Variants in DACT1 observed in about 807,000 individuals in gnomAD.
The protein encoded by DACT1 is dishevelled binding antagonist of beta catenin 1.
In DACT1, 19 loss-of-function variants were observed where a neutral mutation model predicts 35.3. The observed-to-expected ratio is 0.54, with a 90% confidence interval of 0.38 to 0.79. The LOEUF (loss-of-function observed/expected upper bound fraction) is 0.79. Among genes scored for constraint, DACT1 ranks in the 30% least tolerant of loss-of-function variants. DACT1 has a pLI of 0.00. For missense variants in DACT1, 1,143 were observed against 1,057.5 expected (o/e 1.08, Z -1.12); for synonymous variants, 545 against 466.7 (o/e 1.17, Z -2.16).
At chr14:58,634,697 G>A (rs1340420747), upstream of DACT1, among the ~76,000 whole-genome samples, 4 of 152,178 alleles carry the variant, frequency 2.6e-5, no homozygotes, top group Non-Finnish European at 4.4e-5. Flanking sequence ...TCATTTTGTT[G>A]CTTTGCTTGA....
In DACT1 at chr14:58,645,656, C is replaced by G; in HGVS notation, c.922C>G (p.Leu308Val). The change falls in exon 4 of 4, where the codon CTG becomes GTG. Residue 308 changes from leucine to valine, a missense_variant. Leu to Val is a conservative substitution (Grantham distance 32). Coordinates refer to ENST00000395153, the MANE Select transcript of DACT1 (RefSeq NM_001079520.2). ...SKKMDGYILSLVQKKTHPVRT... is the reference protein window; with the variant it reads ...SKKMDGYILSVVQKKTHPVRT... ...GAAAATGGATGGCTACATTCTGAGC[C>G]TGGTCCAGAAAAAAACACACCCTGT... 4 of 1,614,188 alleles carry G rather than the reference C, an allele frequency of 2.5e-6. No homozygotes were observed. Among genetic ancestry groups the G allele is most frequent in the Non-Finnish European group, 3.4e-6 (4 of 1,180,036 alleles).
upstream of DACT1, among the ~76,000 whole-genome samples, chr14:58,636,917 G>C (rs1320824873): frequency 6.6e-6 from 1 of 152,020 alleles, no homozygotes; most frequent in African/African-American, 2.4e-5. Flanking sequence ...CAAGAGGGAA[G>C]ACTTATAAAT....
At position 58,645,939 on chromosome 14, in the gene DACT1, G is replaced by A; in HGVS notation, c.1205G>A (p.Cys402Tyr). 1 of 1,613,998 alleles carries A rather than the reference G, an allele frequency of 6.2e-7. No homozygotes were observed. ...AAGAGGGTGCCCCTGCCAGAGGGCT[G>A]CCCCTCAGGCGCTGCCTCCGACCTT... ...ESKRVPLPEG[C>Y]PSGAASDLQS... is the part of the protein sequence containing the mutation. Residue 402 changes from cysteine to tyrosine, a missense_variant, in exon 4 of 4, where the codon TGC (cysteine) becomes TAC (tyrosine). Around this residue, in one of 3 missense-constraint regions of DACT1, gnomAD observed 1,054 missense variants for 958.8 expected, o/e 1.10. Transcript: ENST00000395153.
upstream of DACT1, among the ~76,000 whole-genome samples, chr14:58,636,118 G>C (rs2047571139): frequency 6.6e-6 from 1 of 152,182 alleles, no homozygotes; most frequent in East Asian, 1.9e-4. Flanking sequence ...TCCATTTTTA[G>C]AGCTAATATA....
intron 3 of DACT1, among the ~76,000 whole-genome samples, chr14:58,643,594 A>G (rs2047647238): frequency 6.6e-6 from 1 of 152,234 alleles, no homozygotes; most frequent in Admixed American, 6.5e-5. Flanking sequence ...ATCTGGTTTC[A>G]GAGGGAAACT....
At position 58,646,288 on chromosome 14, in the gene DACT1, C is replaced by T. The variant is rs765807517; in HGVS notation, c.1554C>T (p.Val518=). Residue 518 remains valine, a synonymous_variant, in exon 4 of 4, where the codon GTC becomes GTT. Coordinates refer to ENST00000395153, the MANE Select transcript of DACT1 (RefSeq NM_001079520.2). ...AAAGCCTGGAGGAAGCGCACCTGGTCAAGGCCCAGTTTATCCCGGGGCAGC... is the reference window on the plus strand; with the variant it reads ...AAAGCCTGGAGGAAGCGCACCTGGTTAAGGCCCAGTTTATCCCGGGGCAGC... ...SSQSLEEAHL[V]KAQFIPGQQP... 4.3e-6 allele frequency: 7 copies of T among 1,612,390 alleles called. No homozygotes were observed. In the Admixed American group the frequency reaches 8.4e-5, roughly 19 times the overall value.
upstream of DACT1, among the ~76,000 whole-genome samples, chr14:58,635,258 G>C (rs1302009093): frequency 2.0e-5 from 3 of 152,136 alleles, no homozygotes; most frequent in Non-Finnish European, 4.4e-5. Context: ...CGGAATACCT[G>C]CAACAAAAAC....
At chr14:58,640,983 G>A in intron 2 of DACT1, 115 bp downstream of exon 2, 6 of 1,151,348 alleles carry the variant, frequency 5.2e-6, no homozygotes, top group East Asian at 4.8e-5. Flanking sequence ...AGTGCAGAGA[G>A]GATAAACAAA....
At chr14:58,640,271 C>CT (rs1259266068) in intron 1 of DACT1, among the ~76,000 whole-genome samples, 6 of 152,146 alleles carry the variant, frequency 3.9e-5, no homozygotes, top group Non-Finnish European at 7.3e-5. Flanking sequence ...CACAAAGCAA[C>CT]TAATAGAAAA....
chr14:58,647,203 T>C lies in DACT1; in HGVS notation c.*69T>C, dbSNP rs2047701231. 1.9e-6 allele frequency: 3 copies of C among 1,539,436 alleles called. No homozygotes were observed. Among genetic ancestry groups the C allele is most frequent in the African/African-American group, 2.8e-5 (2 of 71,378 alleles). The stretch of plus-strand genomic sequence containing the variant: ...TCCCTAGTTGCCAAAATTAAAAAGG[T>C]GGTGTTTTCATTTTTGTATAATACT... On this transcript the variant is annotated 3_prime_UTR_variant, in exon 4 of 4. Transcript: ENST00000395153.
rs2047690032 is a variant in DACT1 at position 58,646,675 on chromosome 14, G to T, written c.1941G>T (p.Glu647Asp). The change falls in exon 4 of 4, where the codon GAG becomes GAT. Residue 647 changes from glutamate (E) to aspartate (D), a missense_variant. By Grantham distance (45) the Glu-to-Asp change is conservative. Around this residue, in one of 3 missense-constraint regions of DACT1, gnomAD observed 1,054 missense variants for 958.8 expected, o/e 1.10. Transcript: ENST00000395153. ...TDYRRWKSSA[E>D]ISYEEALRRA... Reference sequence around the variant, plus strand: ...ACCGGCGGTGGAAGTCCTCGGCCGAGATTTCCTACGAAGAGGCCCTGAGGA... The same window carrying T: ...ACCGGCGGTGGAAGTCCTCGGCCGATATTTCCTACGAAGAGGCCCTGAGGA... The T allele has an allele frequency of 6.2e-7, 1 of 1,612,740 alleles. No individual in the cohort carries two copies. Among genetic ancestry groups the T allele is most frequent in the Non-Finnish European group, 8.5e-7 (1 of 1,179,838 alleles).
rs748738357 is a variant in DACT1, at chr14:58,645,962, C to T, written c.1228C>T (p.Leu410Phe). The change falls in exon 4 of 4, where the codon CTT becomes TTT. Residue 410 changes from leucine (L) to phenylalanine (F), a missense_variant. Physicochemically the swap from Leu to Phe is conservative, Grantham distance 22 (BLOSUM62 0). This residue lies in a region of DACT1 where 1,054 missense variants were observed against 958.8 expected (regional missense o/e 1.10). Transcript: ENST00000395153. ...CTGCCCCTCAGGCGCTGCCTCCGAC[C>T]TTCAGAGTAAGCACCTGCCAAAAAC... ...EGCPSGAASD[L>F]QSKHLPKTAK... 3.1e-6 allele frequency: 5 copies of T among 1,613,860 alleles called. No homozygotes were observed. Among genetic ancestry groups the T allele is most frequent in the Admixed American group, 1.7e-5 (1 of 60,030 alleles).
upstream of DACT1, among the ~76,000 whole-genome samples, chr14:58,637,775 GGGAGGGGCGA>G (rs945125228): frequency 1.3e-5 from 2 of 151,996 alleles, no homozygotes; most frequent in African/African-American, 4.8e-5. Flanking sequence ...GGAGGAGGCG[GGGAGGGGCGA>G]GGAGGGGCGG....
At chr14:58,637,832 G>A (rs905650936), upstream of DACT1, among the ~76,000 whole-genome samples, 3 of 151,782 alleles carry the variant, frequency 2.0e-5, no homozygotes, top group Non-Finnish European at 4.4e-5. Context: ...TCTGGGGGCC[G>A]GGCGGCGCGC....
chr14:58,643,519 G>T (rs114187373), intron 3 of DACT1, among the ~76,000 whole-genome samples: 2 of 152,180 alleles, frequency 1.3e-5, no homozygotes. Context: ...AGGAAGCACA[G>T]AACTGTGTTA....
In DACT1 at chr14:58,645,137, A is replaced by G. The variant is rs1008703925; in HGVS notation, c.635-232A>G. Reference sequence around the variant, plus strand: ...GTACCTACATGTGAAATGGTAGGGCAGCACTTTTTAATCCTTGGCAATCTC... The same window carrying G: ...GTACCTACATGTGAAATGGTAGGGCGGCACTTTTTAATCCTTGGCAATCTC... On this transcript the variant is annotated intron_variant, in intron 3 of 3. Transcript: ENST00000395153. The G allele has an allele frequency of 1.3e-5, 10 of 777,716 alleles. No homozygotes were observed. The African/African-American group carries it at 1.8e-4, about 14-fold the overall frequency. The allele number at this position is 777,716 out of a possible 1,614,324, so 48.2% of individuals were successfully genotyped here.
upstream of DACT1, among the ~76,000 whole-genome samples, chr14:58,637,518 G>C (rs1345083809): frequency 1.3e-5 from 2 of 152,236 alleles, no homozygotes; most frequent in South Asian, 2.1e-4. Flanking sequence ...TGGAAATGAG[G>C]AGTGGCCGTG....
At chr14:58,634,773 A>G (rs138781291), upstream of DACT1, among the ~76,000 whole-genome samples, 1,405 of 152,352 alleles carry the variant, frequency 9.2e-3, 14 homozygotes, top group Non-Finnish European at 0.016. Flanking sequence ...CCGCTGGACA[A>G]GGCATTTGTA....
chr14:58,637,756 G>C (rs1045447099), upstream of DACT1, among the ~76,000 whole-genome samples: 1 of 150,850 alleles, frequency 6.6e-6, no homozygotes, highest in African/African-American at 2.4e-5. Flanking sequence ...GGCCCGCGAA[G>C]AGAGCGGGGG....
Sources: allele counts gnomAD v4.1 joint callset (sites outside exome capture counted in the v4.1 genomes callset), GRCh38; gene constraint gnomAD v4.1.1; regional missense constraint gnomAD v4.1.1; transcripts MANE v1.5; gene names NCBI Gene and HGNC (gene_info 2026-07-23, HGNC 2026-07-21).